LRRC37A2: variants seen among roughly 807,000 people sequenced by gnomAD.
LRRC37A2 encodes leucine-rich repeat-containing protein 37A2.
In LRRC37A2, 9 loss-of-function variants were observed where a neutral mutation model predicts 68.8. That is an observed-to-expected ratio of 0.13 (90% CI 0.08 to 0.23). The LOEUF (loss-of-function observed/expected upper bound fraction) is 0.23. Among genes scored for constraint, LRRC37A2 ranks in the 10% least tolerant of loss-of-function variants. The probability of loss-of-function intolerance (pLI) is 1.00; values close to 1 mark genes in which losing one functional copy is unlikely to be tolerated. For synonymous variants in LRRC37A2, 63 were observed against 367.6 expected (o/e 0.17, Z 9.48); for missense variants, 168 against 950.4 (o/e 0.18, Z 10.82).
the LRRC37A2 span, among the ~76,000 whole-genome samples, chr17:46,732,177 T>C: frequency 1.3e-5 from 2 of 152,228 alleles, no homozygotes; most frequent in South Asian, 2.1e-4. Flanking sequence ...ACTATACTTA[T>C]ATACACTACA....
At chr17:46,718,684 T>C in the LRRC37A2 span, among the ~76,000 whole-genome samples, 1 of 152,174 alleles carries the variant, frequency 6.6e-6, no homozygotes, top group Admixed American at 6.5e-5. Context: ...CCGAATGACC[T>C]TGGATATGTC....
chr17:47,038,211 C>T, the LRRC37A2 span, among the ~76,000 whole-genome samples: 130 of 152,250 alleles, frequency 8.5e-4, no homozygotes, highest in African/African-American at 3.0e-3. Flanking sequence ...GTGGCTAAGG[C>T]AGGAGGATCA....
chr17:47,035,048 A>G, the LRRC37A2 span: 5 of 152,088 alleles, frequency 3.3e-5, no homozygotes. Flanking sequence ...ACTCACTCTG[A>G]TCTTGGTCAA....
chr17:46,884,629 C>A, the LRRC37A2 span, among the ~76,000 whole-genome samples: 1 of 152,220 alleles, frequency 6.6e-6, no homozygotes, highest in African/African-American at 2.4e-5. Flanking sequence ...GTACCAAGTG[C>A]TCTGCAGAGT....
exon 15 of LRRC37A2, chr17:46,555,548 C>CAGA: frequency 8.7e-7 from 1 of 1,153,682 alleles, no homozygotes. Flanking sequence ...GAAGCCCCAA[C>CAGA]GGAGGAGGAG....
chr17:46,726,692 A>G, the LRRC37A2 span: 1 of 1,251,166 alleles, frequency 8.0e-7, no homozygotes, highest in Non-Finnish European at 1.2e-6. Flanking sequence ...GAGAAAATTA[A>G]CAAGTATTTA....
chr17:46,949,974 A>G, the LRRC37A2 span, among the ~76,000 whole-genome samples: 1 of 152,238 alleles, frequency 6.6e-6, no homozygotes, highest in Non-Finnish European at 1.5e-5. Context: ...GGTCCTCTGC[A>G]CACAGTAGGC....
the LRRC37A2 span, among the ~76,000 whole-genome samples, chr17:46,458,528 CTTCTTTTTT>C: frequency 3.8e-5 from 2 of 52,526 alleles, no homozygotes; most frequent in East Asian, 3.5e-4. Context: ...AATTCTTCTT[CTTCTTTTTT>C]TTTTTTTTTT....
At chr17:46,742,273 G>A in the LRRC37A2 span, among the ~76,000 whole-genome samples, 1 of 152,062 alleles carries the variant, frequency 6.6e-6, no homozygotes, top group Admixed American at 6.6e-5. Flanking sequence ...ACTCTGAAAT[G>A]ATAGTTACTT....
chr17:46,945,667 C>T, the LRRC37A2 span, among the ~76,000 whole-genome samples: 4 of 152,168 alleles, frequency 2.6e-5, no homozygotes, highest in Non-Finnish European at 5.9e-5. Flanking sequence ...CACATTCTTT[C>T]AACCAAGACC....
the LRRC37A2 span, among the ~76,000 whole-genome samples, chr17:46,493,242 C>T: frequency 7.3e-6 from 1 of 136,980 alleles, no homozygotes; most frequent in Non-Finnish European, 1.5e-5. Flanking sequence ...ACTGCAGCCG[C>T]CACCTTCTGG....
chr17:46,899,573 T>C, the LRRC37A2 span, among the ~76,000 whole-genome samples: 4 of 152,142 alleles, frequency 2.6e-5, no homozygotes, highest in African/African-American at 7.2e-5. Flanking sequence ...GAAAAATCCA[T>C]AGACACAGAA....
At chr17:46,960,651 C>T in the LRRC37A2 span, among the ~76,000 whole-genome samples, 1 of 152,178 alleles carries the variant, frequency 6.6e-6, no homozygotes, top group Admixed American at 6.5e-5. Context: ...ACCTGTGATA[C>T]ATCCATCCAA....
the LRRC37A2 span, among the ~76,000 whole-genome samples, chr17:46,733,701 A>G: frequency 6.6e-6 from 1 of 152,206 alleles, no homozygotes; most frequent in African/African-American, 2.4e-5. Flanking sequence ...GCAGGAATTG[A>G]TATCTTAGTC....
intron 6 of LRRC37A2, among the ~76,000 whole-genome samples, chr17:46,530,440 C>T (rs2053523299): frequency 7.0e-6 from 1 of 143,474 alleles, no homozygotes; most frequent in Admixed American, 7.1e-5. Flanking sequence ...CACTGAAAAA[C>T]CATCTGGAAT....
the LRRC37A2 span, among the ~76,000 whole-genome samples, chr17:46,765,707 G>C: frequency 1.3e-5 from 2 of 152,248 alleles, no homozygotes; most frequent in South Asian, 4.1e-4. Context: ...GCTCTCGCCT[G>C]GGGAGGTGGC....
At chr17:46,767,301 C>G in the LRRC37A2 span, among the ~76,000 whole-genome samples, 3 of 152,170 alleles carry the variant, frequency 2.0e-5, no homozygotes, top group African/African-American at 7.2e-5. Flanking sequence ...CCCTCCTGCT[C>G]CCCGTCATCA....
the LRRC37A2 span, among the ~76,000 whole-genome samples, chr17:46,829,715 T>A: frequency 6.7e-6 from 1 of 150,254 alleles, no homozygotes; most frequent in Non-Finnish European, 1.5e-5. Flanking sequence ...GGGATGGTTA[T>A]CTCCTAAGGC....
At chr17:46,846,132 A>T in the LRRC37A2 span, among the ~76,000 whole-genome samples, 1 of 152,206 alleles carries the variant, frequency 6.6e-6, no homozygotes, top group East Asian at 1.9e-4. Context: ...GTCACTACTT[A>T]CTTACCTATA....
Sources: allele counts gnomAD v4.1 joint callset (sites outside exome capture counted in the v4.1 genomes callset), GRCh38; gene constraint gnomAD v4.1.1; transcripts MANE v1.5; gene names NCBI Gene and HGNC (gene_info 2026-07-23, HGNC 2026-07-21).